MARCHF1: variants seen among roughly 807,000 people sequenced by gnomAD.
The protein encoded by MARCHF1 is E3 ubiquitin-protein ligase MARCHF1.
MARCHF1 carries 40 observed loss-of-function variants against 54.2 expected under a neutral mutation model. That is an observed-to-expected ratio of 0.74 (90% CI 0.57 to 0.96). The LOEUF is 0.96. MARCHF1 is among the 40% of genes least tolerant of loss of function. The probability of loss-of-function intolerance (pLI) is 0.00; values close to 1 mark genes in which losing one functional copy is unlikely to be tolerated. For missense variants in MARCHF1, 586 were observed against 656.5 expected, an observed-to-expected ratio of 0.89 and a Z score of 1.17; for synonymous variants, 236 against 236.3, an observed-to-expected ratio of 1.00 and a Z score of 0.01.
At chr4:163,629,301 T>C (rs1363003437) in intron 5 of MARCHF1, among the ~76,000 whole-genome samples, 1 of 152,062 alleles carries the variant, frequency 6.6e-6, no homozygotes, top group African/African-American at 2.4e-5. Flanking sequence ...AAACAAGCAA[T>C]GGGGAAAGGG....
rs200952774 is a variant in MARCHF1, at chr4:164,311,235, C to T, written c.-323+72635G>A. 7.2e-4 allele frequency among the ~76,000 whole-genome samples: 109 copies of T among 152,052 alleles called. 2 individuals are homozygous for T. Among genetic ancestry groups the T allele is most frequent in the Non-Finnish European group, 1.3e-3 (85 of 67,952 alleles). ...GTTAGGATGATTACTACTCATAATA[C>T]CCGAGGTTTTCTTAAATAACTCTCA... On this transcript the variant is annotated intron_variant, in intron 1 of 9. Coordinates refer to ENST00000514618, the MANE Select transcript of MARCHF1 (RefSeq NM_001394959.1).
At chr4:164,334,753 TG>T (rs1219004493) in intron 1 of MARCHF1, among the ~76,000 whole-genome samples, 1 of 152,232 alleles carries the variant, frequency 6.6e-6, no homozygotes, top group Non-Finnish European at 1.5e-5. Context: ...TTGATGGATC[TG>T]GGCAAAGTAA....
At chr4:163,934,634 A>C (rs1751756259) in intron 3 of MARCHF1, among the ~76,000 whole-genome samples, 1 of 148,166 alleles carries the variant, frequency 6.7e-6, no homozygotes, top group Admixed American at 6.7e-5. Context: ...AAGTGTGATC[A>C]TGAAATTGTA....
chr4:163,837,805 T>C (rs1396293921), intron 4 of MARCHF1, among the ~76,000 whole-genome samples: 2 of 152,108 alleles, frequency 1.3e-5, no homozygotes, highest in Non-Finnish European at 2.9e-5. Context: ...TACCAAATTT[T>C]AGCTAATTGA....
At chr4:163,594,759 A>ACACACACAC (rs1560962635) in intron 7 of MARCHF1, among the ~76,000 whole-genome samples, 24 of 65,610 alleles carry the variant, frequency 3.7e-4, no homozygotes, top group African/African-American at 9.4e-4. Context: ...TCAAAACACA[A>ACACACACAC]ACACACACAC....
At chr4:163,613,463 C>T (rs1254942859) in intron 5 of MARCHF1, 70 bp from the exon 6 acceptor site, 1 of 1,612,008 alleles carries the variant, frequency 6.2e-7, no homozygotes, top group African/African-American at 1.3e-5. Context: ...TGCTTTTTTT[C>T]CACATATTTA....
chr4:164,067,586 T>C (rs932363788), intron 2 of MARCHF1, among the ~76,000 whole-genome samples: 1 of 152,074 alleles, frequency 6.6e-6, no homozygotes, highest in African/African-American at 2.4e-5. Context: ...TTAACTCAAA[T>C]GGATTAAAGA....
chr4:164,084,874 A>G lies in MARCHF1; in HGVS notation c.-248+26714T>C, dbSNP rs115404413. 3.7e-3 allele frequency among the ~76,000 whole-genome samples: 561 copies of G among 151,990 alleles called. 4 individuals carry two copies. The highest frequency in any genetic ancestry group is 0.013 in the African/African-American group (538 of 41,576). ...ATGACTTTATCACAATACATAAAAC[A>G]AAACAGTGTTGTGTAAGTGGAAAAG... On this transcript the variant is annotated intron_variant, in intron 2 of 9. Transcript: ENST00000514618.
chr4:164,356,753 T>G (rs1730554744), intron 1 of MARCHF1, among the ~76,000 whole-genome samples: 2 of 42,418 alleles, frequency 4.7e-5, no homozygotes, highest in Non-Finnish European at 5.7e-5. Context: ...CCCTAAAACT[T>G]AAAGTATAAT....
chr4:164,187,052 C>A (rs1328410100), intron 1 of MARCHF1, among the ~76,000 whole-genome samples: 2 of 149,680 alleles, frequency 1.3e-5, no homozygotes, highest in Admixed American at 1.3e-4. Flanking sequence ...ATGAAATGCA[C>A]ATAATCTTCT....
At chr4:163,711,190 A>G (rs1745095581) in intron 4 of MARCHF1, among the ~76,000 whole-genome samples, 1 of 152,256 alleles carries the variant, frequency 6.6e-6, no homozygotes, top group Non-Finnish European at 1.5e-5. Context: ...AAAATCTGCC[A>G]GTGGTTTCAT....
intron 1 of MARCHF1, among the ~76,000 whole-genome samples, chr4:164,326,212 C>T (rs1052276588): frequency 1.3e-5 from 2 of 152,092 alleles, no homozygotes; most frequent in Non-Finnish European, 2.9e-5. Flanking sequence ...ATCAAAATAG[C>T]AAGTTATCAA....
intron 3 of MARCHF1, among the ~76,000 whole-genome samples, chr4:163,933,634 A>T (rs1168187641): frequency 6.6e-6 from 1 of 152,220 alleles, no homozygotes; most frequent in Non-Finnish European, 1.5e-5. Context: ...TGTTCCACAC[A>T]ACTTCTCCAT....
intron 2 of MARCHF1, among the ~76,000 whole-genome samples, chr4:164,054,808 T>G: frequency 7.0e-6 from 1 of 143,472 alleles, no homozygotes. Flanking sequence ...GGGATAGCAT[T>G]GGGAGATATA....
intron 1 of MARCHF1, among the ~76,000 whole-genome samples, chr4:164,277,409 A>G (rs1733915685): frequency 6.6e-6 from 1 of 152,400 alleles, no homozygotes; most frequent in Non-Finnish European, 1.5e-5. Flanking sequence ...AAGTTCCTGC[A>G]GAATGCAGAC....
At chr4:164,036,056 T>A (rs1474617189) in intron 2 of MARCHF1, among the ~76,000 whole-genome samples, 1 of 149,138 alleles carries the variant, frequency 6.7e-6, no homozygotes, top group Non-Finnish European at 1.5e-5. Flanking sequence ...TGAGCCAAGA[T>A]TGTGCCACTG....
chr4:164,273,240 C>T (rs1733787098), intron 1 of MARCHF1, among the ~76,000 whole-genome samples: 1 of 152,098 alleles, frequency 6.6e-6, no homozygotes, highest in Admixed American at 6.6e-5. Context: ...GGAAGCAAGG[C>T]AGCTTCTTCA....
chr4:163,588,574 A>G (rs1255109069), intron 7 of MARCHF1, among the ~76,000 whole-genome samples: 1 of 152,186 alleles, frequency 6.6e-6, no homozygotes, highest in Non-Finnish European at 1.5e-5. Flanking sequence ...CTCCTTGGAC[A>G]TCCATCTCCT....
intron 1 of MARCHF1, among the ~76,000 whole-genome samples, chr4:164,165,492 C>T (rs1336360542): frequency 2.6e-5 from 4 of 151,946 alleles, no homozygotes; most frequent in Non-Finnish European, 5.9e-5. Flanking sequence ...GCACCTTGAT[C>T]TCACAATTCT....
Sources: allele counts gnomAD v4.1 joint callset (sites outside exome capture counted in the v4.1 genomes callset), GRCh38; gene constraint gnomAD v4.1.1; transcripts MANE v1.5; gene names NCBI Gene and HGNC (gene_info 2026-07-23, HGNC 2026-07-21).